METTL9: variants seen among roughly 807,000 people sequenced by gnomAD.
METTL9 encodes protein-L-histidine N-pros-methyltransferase.
In METTL9, 10 loss-of-function variants were observed where a neutral mutation model predicts 36.0. The observed-to-expected ratio is 0.28, with a 90% CI of 0.17 to 0.47. The LOEUF (loss-of-function observed/expected upper bound fraction) is 0.47, where lower values mean the gene tolerates loss of function less well. METTL9 is among the 20% of genes least tolerant of loss of function. The pLI is 0.99. For synonymous variants in METTL9, 175 were observed against 149.7 expected (o/e 1.17, Z -1.23); for missense variants, 246 against 383.5 (o/e 0.64, Z 3.00).
chr16:21,599,995 C>T lies in METTL9; in HGVS notation c.165+97C>T. 2 of 1,061,054 alleles carry T rather than the reference C, an allele frequency of 1.9e-6. No homozygotes were observed. Among genetic ancestry groups the T allele is most frequent in the South Asian group, 9.2e-5 (2 of 21,700 alleles). 65.7% of individuals were successfully genotyped at this position (1,061,054 alleles called of 1,614,324 possible). A position where few individuals can be genotyped will look rare whatever the true frequency, so the allele number is the denominator to read the frequency against. ...GCGGGACGGCTCCGCGAGGGGGCGG[C>T]CCGGCCCTCGCCCCTCCGCCTCGGC... is the stretch of plus-strand genomic sequence containing the variant. On this transcript the variant is annotated intron_variant, in intron 1 of 4. Transcript: ENST00000358154. This position sits in a 1 kb window ranked among gnomAD's most constrained non-coding sequence, Gnocchi z 4.4.
At chr16:21,630,571 T>G (rs1439651827) in intron 4 of METTL9, among the ~76,000 whole-genome samples, 1 of 152,214 alleles carries the variant, frequency 6.6e-6, no homozygotes, top group East Asian at 1.9e-4. Flanking sequence ...CCACTCTAGC[T>G]ACTTCCTGCT....
intron 4 of METTL9, among the ~76,000 whole-genome samples, chr16:21,651,082 G>C (rs1351302549): frequency 6.6e-6 from 1 of 152,114 alleles, no homozygotes; most frequent in African/African-American, 2.4e-5. Context: ...AATTAGCCGG[G>C]TGTGGTGGCA....
chr16:21,638,173 C>G (rs1966155186), intron 4 of METTL9, among the ~76,000 whole-genome samples: 1 of 152,096 alleles, frequency 6.6e-6, no homozygotes, highest in East Asian at 1.9e-4. Context: ...CAAAAATTAG[C>G]CAGGCATGGT....
chr16:21,651,956 T>A (rs1597791762), intron 4 of METTL9: 2 of 152,248 alleles, frequency 1.3e-5, no homozygotes, highest in East Asian at 3.8e-4. Flanking sequence ...TCTTCACAGA[T>A]GAGAAAAAAT....
rs1315879233 is a variant in METTL9, at chr16:21,656,732, T to A, written c.*1300T>A. The A allele has an allele frequency of 6.6e-6, 1 of 152,168 alleles. No individual in the cohort carries two copies. The highest frequency in any genetic ancestry group is 1.9e-4 in the East Asian group (1 of 5,204). The allele number at this position is 152,168 out of a possible 1,614,324, so 9.4% of individuals were successfully genotyped here. ...TTATATGCTCATAGAAGTCATCAGA[T>A]CAACACATTCACTCCAACACCTGGG... On this transcript the variant is annotated 3_prime_UTR_variant, in exon 5 of 5. Transcript: ENST00000358154.
chr16:21,629,589 G>A (rs148951548), intron 4 of METTL9, among the ~76,000 whole-genome samples: 1 of 152,278 alleles, frequency 6.6e-6, no homozygotes, highest in Non-Finnish European at 1.5e-5. Flanking sequence ...TGGGTTCCTG[G>A]TCTTGCTGGC....
rs541282506 is a variant in METTL9 at position 21,622,141 on chromosome 16, CT to C, written c.567-2769del. 0.011 allele frequency among the ~76,000 whole-genome samples: 380 copies of C among 34,908 alleles called. 21 individuals carry two copies. The East Asian group carries it at 0.13, about 12-fold the overall frequency. The allele number at this position is 34,908 out of a possible 152,430, so 22.9% of individuals were successfully genotyped here. The stretch of plus-strand genomic sequence containing the variant: ...ATAGGTGTGAGCCACCATGCCTGGC[CT>C]TTTTTTTTTTTTTTTTTTTTGAGAC... On this transcript the variant is annotated intron_variant, in intron 3 of 4. Transcript: ENST00000358154.
intron 4 of METTL9, among the ~76,000 whole-genome samples, chr16:21,632,776 C>T (rs1965994970): frequency 6.6e-6 from 1 of 152,150 alleles, no homozygotes. Context: ...GCCGCAACTA[C>T]CCGTAAACAG....
At chr16:21,653,348 G>A (rs983110231) in intron 4 of METTL9, 4 of 152,124 alleles carry the variant, frequency 2.6e-5, no homozygotes, top group South Asian at 2.1e-4. Context: ...TAGGATTACA[G>A]GTGTGAGCCA....
intron 1 of METTL9, among the ~76,000 whole-genome samples, chr16:21,611,858 A>C (rs1442663925): frequency 6.6e-6 from 1 of 152,134 alleles, no homozygotes; most frequent in Non-Finnish European, 1.5e-5. Context: ...TGAAAGATTA[A>C]ATTTCATCTA....
chr16:21,608,540 G>T (rs1471129883), intron 1 of METTL9, among the ~76,000 whole-genome samples: 1 of 152,148 alleles, frequency 6.6e-6, no homozygotes, highest in African/African-American at 2.4e-5. Flanking sequence ...CTACTGGAGA[G>T]TCAGTACAGT....
chr16:21,611,664 C>T (rs2152893602), intron 1 of METTL9, among the ~76,000 whole-genome samples: 1 of 152,212 alleles, frequency 6.6e-6, no homozygotes, highest in Non-Finnish European at 1.5e-5. Context: ...CCTCATCGTA[C>T]CCTGCCAGGA....
intron 3 of METTL9, among the ~76,000 whole-genome samples, chr16:21,622,785 A>G (rs1965737855): frequency 6.6e-6 from 1 of 152,234 alleles, no homozygotes; most frequent in South Asian, 2.1e-4. Flanking sequence ...ACCAACACAG[A>G]GGCTACCTAT....
intron 2 of METTL9, 97 bp downstream of exon 2, chr16:21,612,932 C>T (rs1253718426): frequency 9.3e-7 from 1 of 1,076,246 alleles, no homozygotes; most frequent in Non-Finnish European, 1.3e-6. Context: ...ATGTTGACTA[C>T]CTGAGCTACA....
Position 21,612,823 on chromosome 16 carries a change from C to T in METTL9, c.344C>T (p.Thr115Ile). 6.3e-7 allele frequency: 1 copy of T among 1,598,050 alleles called. No homozygotes were observed. Among genetic ancestry groups the T allele is most frequent in the Non-Finnish European group, 8.5e-7 (1 of 1,174,356 alleles). Residue 115 changes from threonine to isoleucine, a missense_variant, in exon 2 of 5, where the codon ACA becomes ATA. This residue lies in a region of METTL9 where 146 missense variants were observed against 302.1 expected (regional missense o/e 0.48). Transcript: ENST00000358154. ...SSVFSLFMSR[T>I]SINGLLGRGS... ...GTTTTTAGCCTGTTTATGTCTAGAA[C>T]ATCTATCAATGGGTAAGTGAATCTT...
At chr16:21,637,724 G>A (rs1024038389) in intron 4 of METTL9, among the ~76,000 whole-genome samples, 7 of 152,232 alleles carry the variant, frequency 4.6e-5, no homozygotes, top group South Asian at 2.1e-4. Flanking sequence ...CGCGCAGCCC[G>A]GCTCCTGCCC....
chr16:21,612,938 C>G (rs1965461808), intron 2 of METTL9, 103 bp downstream of exon 2: 38 of 1,001,790 alleles, frequency 3.8e-5, no homozygotes, highest in South Asian at 2.5e-4. Flanking sequence ...ACTACCTGAG[C>G]TACAATACTT....
intron 1 of METTL9, among the ~76,000 whole-genome samples, chr16:21,605,800 C>T (rs1965271037): frequency 6.6e-6 from 1 of 152,106 alleles, no homozygotes; most frequent in Non-Finnish European, 1.5e-5. Context: ...TTTTCCATCA[C>T]CAAGTGGGTG....
At chr16:21,600,643 G>A (rs533921527) in intron 1 of METTL9, among the ~76,000 whole-genome samples, 9 of 152,266 alleles carry the variant, frequency 5.9e-5, no homozygotes, top group African/African-American at 1.9e-4. Flanking sequence ...GTTATGCATC[G>A]TGAGCGTTAC....
Sources: gnomAD v4.1 joint callset for allele counts (sites outside exome capture counted in the v4.1 genomes callset) on GRCh38, gnomAD v4.1.1 for gene constraint, gnomAD v4.1.1 regional missense constraint, Gnocchi (gnomAD v3.1) non-coding constraint, MANE v1.5 for transcripts, NCBI Gene and HGNC (gene_info 2026-07-23, HGNC 2026-07-21) for gene names.